The following AKIRIN1 variants were observed in gnomAD, a reference collection of about 807,000 sequenced individuals.
AKIRIN1 encodes the protein akirin 1.
Under a neutral mutation model 25.9 loss-of-function variants are expected in AKIRIN1, and 4 were observed. The ratio of observed to expected loss-of-function variants is 0.15; its 90% confidence interval spans 0.08 to 0.35. AKIRIN1 has a LOEUF of 0.35. AKIRIN1 is among the 10% of genes least tolerant of loss of function. The pLI is 1.00. For missense variants in AKIRIN1, 243 were observed against 266.1 expected (o/e 0.91, Z 0.61); for synonymous variants, 125 against 105.1 (o/e 1.19, Z -1.16).
rs1643903350 is a variant in AKIRIN1, at chr1:38,991,351, T to C, written c.-30T>C. 7.5e-7 allele frequency: 1 copy of C among 1,335,884 alleles called. No homozygotes were observed. The highest frequency in any genetic ancestry group is 1.5e-5 in the African/African-American group (1 of 65,216). 82.8% of individuals were successfully genotyped at this position (1,335,884 alleles called of 1,614,324 possible). On this transcript the variant is annotated 5_prime_UTR_variant, in exon 1 of 5. Transcript: ENST00000432648. ...CTCTTGGGCCGCACTTACCGCCGCG[T>C]CCGCTCCCGGTCCCTGGCCCCTCAG...
Position 39,004,067 on chromosome 1 carries a change from A to C in AKIRIN1, c.*12A>C. On this transcript the variant is annotated 3_prime_UTR_variant, in exon 5 of 5. Coordinates refer to ENST00000432648, the MANE Select transcript of AKIRIN1 (RefSeq NM_024595.3). ...CAGATGTGTCATGAAGCTTTGTCAC[A>C]TATCTGGGTACCAGGTTTGACCTCA... 6.2e-7 allele frequency: 1 copy of C among 1,611,316 alleles called. No individual in the cohort carries two copies. The highest frequency in any genetic ancestry group is 8.5e-7 in the Non-Finnish European group (1 of 1,177,482).
At chr1:38,993,105 T>C (rs1570970119) in intron 1 of AKIRIN1, among the ~76,000 whole-genome samples, 1 of 152,268 alleles carries the variant, frequency 6.6e-6, no homozygotes. Context: ...GAGTTCATAC[T>C]TGCGCTATCT....
In AKIRIN1 at chr1:39,004,335, C is replaced by A; in HGVS notation, c.*280C>A. 1 of 587,618 alleles carries A rather than the reference C, an allele frequency of 1.7e-6. No homozygotes were observed. Among genetic ancestry groups the A allele is most frequent in the Non-Finnish European group, 3.1e-6 (1 of 322,920 alleles). 36.4% of individuals were successfully genotyped at this position (587,618 alleles called of 1,614,324 possible). ...GCAGCAGTTTAGCAAAATATGCCTTCAGTGGCATTCAACAAATGGAGTTTC... is the reference window on the plus strand; with the variant it reads ...GCAGCAGTTTAGCAAAATATGCCTTAAGTGGCATTCAACAAATGGAGTTTC... On this transcript the variant is annotated 3_prime_UTR_variant, in exon 5 of 5. Coordinates refer to ENST00000432648, the MANE Select transcript of AKIRIN1 (RefSeq NM_024595.3).
At chr1:39,000,834 T>G in intron 2 of AKIRIN1, 138 bp from the exon 3 acceptor site, 1 of 959,782 alleles carries the variant, frequency 1.0e-6, no homozygotes, top group Non-Finnish European at 1.5e-6. Flanking sequence ...TTTTGTATTT[T>G]TAGTAGAGAC....
At chr1:38,995,317 G>T (rs1476949591) in intron 1 of AKIRIN1, among the ~76,000 whole-genome samples, 3 of 152,206 alleles carry the variant, frequency 2.0e-5, no homozygotes, top group Admixed American at 6.5e-5. Context: ...ATGTTCAAGA[G>T]TTTGAATTTT....
chr1:39,002,680 A>G (rs556780244), intron 3 of AKIRIN1, among the ~76,000 whole-genome samples: 1 of 152,110 alleles, frequency 6.6e-6, no homozygotes, highest in South Asian at 2.1e-4. Context: ...CAGTGAGCCA[A>G]GGTTGCGCCA....
Position 39,003,377 on chromosome 1 carries a change from A to G in AKIRIN1, c.527A>G (p.His176Arg), listed in dbSNP as rs756281949. 5.0e-6 allele frequency: 8 copies of G among 1,613,796 alleles called. No individual in the cohort carries two copies. Among genetic ancestry groups the G allele is most frequent in the African/African-American group, 1.3e-5 (1 of 74,948 alleles). ...EQYESFVKFT[H>R]DQIMRRYGTR... is the part of the protein sequence containing the mutation. ...TATGAATCTTTTGTGAAATTCACAC[A>G]TGATCAGATTATGCGACGGTATGGG... Residue 176 changes from histidine to arginine, a missense_variant, in exon 4 of 5, where the codon CAT (histidine) becomes CGT (arginine). This residue lies in a region of AKIRIN1 where 25 missense variants were observed against 45.3 expected (regional missense o/e 0.55). Coordinates refer to ENST00000432648, the MANE Select transcript of AKIRIN1 (RefSeq NM_024595.3).
At chr1:38,998,355 A>G (rs748165605) in intron 2 of AKIRIN1, 44 bp downstream of exon 2, 1 of 1,555,278 alleles carries the variant, frequency 6.4e-7, no homozygotes, top group Admixed American at 2.0e-5. Flanking sequence ...AGAGTTTGTA[A>G]ATGGTACTTA....
In AKIRIN1 at chr1:38,998,323, T is replaced by C; in HGVS notation, c.361+12T>C. The C allele has an allele frequency of 4.4e-6, 7 of 1,589,104 alleles. No homozygotes were observed. Among genetic ancestry groups the C allele is most frequent in the Non-Finnish European group, 6.0e-6 (7 of 1,167,924 alleles). ...ACCTAGCTCTCCAGGTAAGCCCACT[T>C]TGATCTGCAAAATTCGCATTAAGAG... On this transcript the variant is annotated intron_variant, in intron 2 of 4. Coordinates refer to ENST00000432648, the MANE Select transcript of AKIRIN1 (RefSeq NM_024595.3).
At chr1:38,991,924 G>A (rs1020240751) in intron 1 of AKIRIN1, among the ~76,000 whole-genome samples, 4 of 150,546 alleles carry the variant, frequency 2.7e-5, no homozygotes, top group African/African-American at 9.8e-5. Context: ...CGCTGGCCGG[G>A]TCTGCACCGA....
intron 3 of AKIRIN1, 151 bp downstream of exon 3, chr1:39,001,257 C>A: frequency 1.9e-4 from 95 of 506,292 alleles, no homozygotes; most frequent in East Asian, 2.4e-4. Flanking sequence ...ATTGTAAACA[C>A]ATCATTTATA....
At chr1:38,992,514 A>G (rs1348709845) in intron 1 of AKIRIN1, among the ~76,000 whole-genome samples, 3 of 152,178 alleles carry the variant, frequency 2.0e-5, no homozygotes, top group Admixed American at 6.6e-5. Context: ...GGCTCACCGT[A>G]AAATCATCCT....
At position 39,003,335 on chromosome 1, in the gene AKIRIN1, G is replaced by A; in HGVS notation, c.497-12G>A. 1.2e-6 allele frequency: 2 copies of A among 1,613,112 alleles called. No individual in the cohort carries two copies. The highest frequency in any genetic ancestry group is 8.5e-7 in the Non-Finnish European group (1 of 1,179,456). ...GAGTTGCTGAGGATAAGTATGTACT[G>A]TCTTCTCACAGAACAATATGAATCT... On this transcript the variant is annotated splice_polypyrimidine_tract_variant and intron_variant, in intron 3 of 4. Coordinates refer to ENST00000432648, the MANE Select transcript of AKIRIN1 (RefSeq NM_024595.3).
intron 2 of AKIRIN1, among the ~76,000 whole-genome samples, chr1:38,998,707 C>G (rs903418992): frequency 1.3e-5 from 2 of 151,848 alleles, no homozygotes; most frequent in East Asian, 1.9e-4. Flanking sequence ...AGTTCAAGAC[C>G]GGCCTGGCCA....
At chr1:38,999,082 A>ACT (rs931306647) in intron 2 of AKIRIN1, among the ~76,000 whole-genome samples, 3 of 152,218 alleles carry the variant, frequency 2.0e-5, no homozygotes, top group African/African-American at 7.2e-5. Context: ...GGTTGGAGAC[A>ACT]GTCTTCATGG....
Position 39,001,067 on chromosome 1 carries a change from C to T in AKIRIN1, c.457C>T (p.Arg153Trp). 3 of 1,613,630 alleles carry T rather than the reference C, an allele frequency of 1.9e-6. No individual in the cohort carries two copies. Among genetic ancestry groups the T allele is most frequent in the Non-Finnish European group, 2.5e-6 (3 of 1,179,842 alleles). The change falls in exon 3 of 5, where the codon CGG (arginine) becomes TGG (tryptophan). Residue 153 changes from arginine to tryptophan, a missense_variant. This residue lies in a region of AKIRIN1 where 190 missense variants were observed against 174.4 expected (regional missense o/e 1.09). Coordinates refer to ENST00000432648, the MANE Select transcript of AKIRIN1 (RefSeq NM_024595.3). ...CTTAAAAGACTATGAAGATAAAATT[C>T]GGGAGGAGTATGAGCAAATCCTCAA... ...RLLKDYEDKI[R>W]EEYEQILNTK...
rs1644025991 is a variant in AKIRIN1 at position 39,005,277 on chromosome 1, C to G, written c.*1222C>G. 2 of 149,042 alleles carry G rather than the reference C, an allele frequency of 1.3e-5. No homozygotes were observed. Among genetic ancestry groups the G allele is most frequent in the African/African-American group, 5.0e-5 (2 of 40,364 alleles). 9.2% of individuals were successfully genotyped at this position (149,042 alleles called of 1,614,324 possible). On this transcript the variant is annotated 3_prime_UTR_variant, in exon 5 of 5. Transcript: ENST00000432648. ...GAGCACAGATCATGCCACTGCACTCCAGCCTGGGCAACAAAACGAGACTTC... is the reference window on the plus strand; with the variant it reads ...GAGCACAGATCATGCCACTGCACTCGAGCCTGGGCAACAAAACGAGACTTC...
At chr1:38,992,512 G>T (rs1033344896) in intron 1 of AKIRIN1, among the ~76,000 whole-genome samples, 2 of 152,022 alleles carry the variant, frequency 1.3e-5, no homozygotes, top group African/African-American at 4.8e-5. Context: ...TAGGCTCACC[G>T]TAAAATCATC....
intron 3 of AKIRIN1, 141 bp downstream of exon 3, chr1:39,001,247 A>T: frequency 2.2e-5 from 14 of 647,108 alleles, no homozygotes; most frequent in Non-Finnish European, 2.6e-5. Context: ...CTCTTTGGTG[A>T]TTGTAAACAC....
Sources: gnomAD v4.1 joint callset for allele counts (sites outside exome capture counted in the v4.1 genomes callset) on GRCh38, gnomAD v4.1.1 for gene constraint, gnomAD v4.1.1 regional missense constraint, MANE v1.5 for transcripts, NCBI Gene and HGNC (gene_info 2026-07-23, HGNC 2026-07-21) for gene names.